GLG1: variants seen among roughly 807,000 people sequenced by gnomAD.
The protein encoded by GLG1 is golgi glycoprotein 1, also known as Golgi apparatus protein 1.
Under a neutral mutation model 160.5 loss-of-function variants are expected in GLG1, and 38 were observed. The ratio of observed to expected loss-of-function variants is 0.24; its 90% confidence interval spans 0.18 to 0.31. GLG1 has a LOEUF of 0.31. GLG1 is among the 10% of genes least tolerant of loss of function. GLG1 has a pLI of 1.00. For missense variants in GLG1, 1,373 were observed against 1,505.2 expected, an observed-to-expected ratio of 0.91 and a Z score of 1.45; for synonymous variants, 644 against 543.4, an observed-to-expected ratio of 1.19 and a Z score of -2.57.
At chr16:74,520,166 T>C (rs987121751) in intron 2 of GLG1, among the ~76,000 whole-genome samples, 6 of 152,172 alleles carry the variant, frequency 3.9e-5, no homozygotes, top group African/African-American at 1.4e-4. Flanking sequence ...TCTTTTCATT[T>C]TCCTGTTTCC....
At chr16:74,487,036 C>G (rs1217185785) in intron 8 of GLG1, among the ~76,000 whole-genome samples, 1 of 151,818 alleles carries the variant, frequency 6.6e-6, no homozygotes. Context: ...GCCTCAGCCT[C>G]CTAAGTAGCT....
chr16:74,459,491 T>G (rs1045982222), intron 23 of GLG1, among the ~76,000 whole-genome samples, 191 bp downstream of exon 23: 1 of 152,046 alleles, frequency 6.6e-6, no homozygotes, highest in Non-Finnish European at 1.5e-5. Flanking sequence ...GAAAAGAATA[T>G]TCACATTATA....
chr16:74,604,513 A>G (rs1020593453), intron 1 of GLG1, among the ~76,000 whole-genome samples: 2 of 152,250 alleles, frequency 1.3e-5, no homozygotes, highest in Non-Finnish European at 1.5e-5. Context: ...AATTCCAATA[A>G]TGGGTACGGA....
At chr16:74,464,498 G>C (rs909090591) in intron 19 of GLG1, among the ~76,000 whole-genome samples, 4 of 152,210 alleles carry the variant, frequency 2.6e-5, no homozygotes, top group African/African-American at 9.6e-5. Context: ...GTCTTCAAGT[G>C]TCACAGTGTC....
At chr16:74,564,428 C>G (rs1300913856) in intron 1 of GLG1, among the ~76,000 whole-genome samples, 3 of 152,204 alleles carry the variant, frequency 2.0e-5, no homozygotes, top group African/African-American at 7.2e-5. Flanking sequence ...TCCTAACAGT[C>G]ATAATAGCAG....
chr16:74,538,133 G>A lies in GLG1; in HGVS notation c.439-5980C>T, dbSNP rs148222125. ...ATAGGGTCCTTTTTCTAAGATAACT[G>A]GTACTAAATTAAGTGACAACCAACT... On this transcript the variant is annotated intron_variant, in intron 1 of 25. Transcript: ENST00000422840. 2.8e-3 allele frequency among the ~76,000 whole-genome samples: 417 copies of A among 150,542 alleles called. 4 individuals carry two copies. Among genetic ancestry groups the A allele is most frequent in the East Asian group, 0.018 (92 of 5,088 alleles).
At chr16:74,456,181 T>A (rs1461235807) in intron 25 of GLG1, among the ~76,000 whole-genome samples, 2 of 152,222 alleles carry the variant, frequency 1.3e-5, no homozygotes, top group Non-Finnish European at 2.9e-5. Flanking sequence ...ACATCTCTTT[T>A]GTCTTTGGGT....
At chr16:74,488,067 T>C (rs1036412739) in intron 8 of GLG1, among the ~76,000 whole-genome samples, 1 of 152,196 alleles carries the variant, frequency 6.6e-6, no homozygotes, top group Non-Finnish European at 1.5e-5. Flanking sequence ...TCACAGTTCA[T>C]GATTATGGTG....
In GLG1 at chr16:74,474,578, T is replaced by C. The variant is rs2015331657; in HGVS notation, c.2020A>G (p.Ile674Val). 3.8e-6 allele frequency: 6 copies of C among 1,580,806 alleles called. No homozygotes were observed. The highest frequency in any genetic ancestry group is 5.2e-6 in the Non-Finnish European group (6 of 1,149,616). The change falls in exon 13 of 26, where the codon ATA (isoleucine) becomes GTA (valine). Residue 674 changes from isoleucine to valine, a missense_variant. By Grantham distance (29) the Ile-to-Val change is conservative (BLOSUM62 3). This residue lies in a region of GLG1 where 386 missense variants were observed against 388.5 expected (regional missense o/e 0.99). Transcript: ENST00000422840. ...LDDLVVECRD[I>V]VGNLTELESE... is the part of the protein sequence containing the mutation. ...TCTAACTCAGTGAGGTTGCCAACTATATCTCTACACTCCACCACCAAGTCA... is the reference window on the plus strand; with the variant it reads ...TCTAACTCAGTGAGGTTGCCAACTACATCTCTACACTCCACCACCAAGTCA...
At chr16:74,477,867 G>A (rs1985611) in intron 11 of GLG1, among the ~76,000 whole-genome samples, 36,516 of 151,576 alleles carry the variant, frequency 0.24, 4,746 homozygotes, top group Middle Eastern at 0.35. Context: ...TAGCTACTCG[G>A]GAGGCTGAGG....
In GLG1 at chr16:74,591,895, C is replaced by T. The variant is rs888372988; in HGVS notation, c.438+14762G>A. On this transcript the variant is annotated intron_variant, in intron 1 of 25. Coordinates refer to ENST00000422840, the MANE Select transcript of GLG1 (RefSeq NM_001145667.2). ...CTGAACTATTCTTTTTCCCCTTATA[C>T]GTGGGAGCAGAGTTTTCCTTTGATA... 3.3e-5 allele frequency among the ~76,000 whole-genome samples: 5 copies of T among 152,108 alleles called. No homozygotes were observed. The East Asian group carries it at 5.8e-4, about 18-fold the overall frequency.
chr16:74,602,930 G>A (rs184774627), intron 1 of GLG1, among the ~76,000 whole-genome samples: 139 of 152,150 alleles, frequency 9.1e-4, no homozygotes, highest in African/African-American at 3.2e-3. Flanking sequence ...GGAGGCCGAC[G>A]CAGGCAGATC....
chr16:74,482,613 A>C (rs2015643369), intron 10 of GLG1, among the ~76,000 whole-genome samples: 1 of 152,188 alleles, frequency 6.6e-6, no homozygotes, highest in Admixed American at 6.5e-5. Context: ...TTAATTCAGT[A>C]ACTCTGAATA....
chr16:74,492,826 A>G (rs955844011), intron 7 of GLG1, 131 bp downstream of exon 7: 1 of 442,614 alleles, frequency 2.3e-6, no homozygotes, highest in Non-Finnish European at 3.7e-6. Flanking sequence ...GTCTCAAGAA[A>G]AAAAAAAAAA....
At chr16:74,595,306 G>A (rs569806199) in intron 1 of GLG1, among the ~76,000 whole-genome samples, 4 of 152,092 alleles carry the variant, frequency 2.6e-5, no homozygotes, top group African/African-American at 9.6e-5. Context: ...GGGAGGCCGA[G>A]GCAGGCAGAT....
At chr16:74,523,276 A>G (rs922088226) in intron 2 of GLG1, among the ~76,000 whole-genome samples, 9 of 152,202 alleles carry the variant, frequency 5.9e-5, no homozygotes, top group African/African-American at 2.2e-4. Flanking sequence ...CATGAATGGC[A>G]TACATTAAGG....
At chr16:74,553,328 C>T (rs1455626774) in intron 1 of GLG1, among the ~76,000 whole-genome samples, 1 of 152,048 alleles carries the variant, frequency 6.6e-6, no homozygotes, top group Admixed American at 6.5e-5. Context: ...TCCCAAGGAG[C>T]TGGAATCATG....
chr16:74,549,684 C>A (rs943630545), intron 1 of GLG1, among the ~76,000 whole-genome samples: 24 of 151,962 alleles, frequency 1.6e-4, no homozygotes, highest in Non-Finnish European at 3.1e-4. Context: ...TGAACAAAAT[C>A]TGTACACCTT....
chr16:74,483,505 T>A (rs903012005), intron 9 of GLG1, among the ~76,000 whole-genome samples: 26 of 152,194 alleles, frequency 1.7e-4, no homozygotes, highest in Non-Finnish European at 3.2e-4. Flanking sequence ...TAAAGCAAAA[T>A]CCCAGATACT....
Sources: gnomAD v4.1 joint callset for allele counts (sites outside exome capture counted in the v4.1 genomes callset) on GRCh38, gnomAD v4.1.1 for gene constraint, gnomAD v4.1.1 regional missense constraint, MANE v1.5 for transcripts, NCBI Gene and HGNC (gene_info 2026-07-23, HGNC 2026-07-21) for gene names.